LAMA2: variants seen among roughly 807,000 people sequenced by gnomAD.
The protein encoded by LAMA2 is laminin subunit alpha-2.
In LAMA2, 269 loss-of-function variants were observed where a neutral mutation model predicts 364.8. The observed-to-expected ratio is 0.74, with a 90% CI of 0.67 to 0.82. The LOEUF (loss-of-function observed/expected upper bound fraction) is 0.82, where lower values mean the gene tolerates loss of function less well. LAMA2 is among the 40% of genes least tolerant of loss of function. The probability of loss-of-function intolerance (pLI) is 0.00; values close to 1 mark genes in which losing one functional copy is unlikely to be tolerated. For synonymous variants in LAMA2, 1,379 were observed against 1,370.6 expected, an observed-to-expected ratio of 1.01 and a Z score of -0.14; for missense variants, 3,807 against 3,873.2, an observed-to-expected ratio of 0.98 and a Z score of 0.45.
At chr6:129,322,668 T>C (rs1408807681) in intron 28 of LAMA2, among the ~76,000 whole-genome samples, 4 of 152,204 alleles carry the variant, frequency 2.6e-5, no homozygotes, top group Admixed American at 1.3e-4. Flanking sequence ...TTTAGATATC[T>C]TGAAGAGAAG....
chr6:128,941,792 C>A (rs932402127), intron 1 of LAMA2, among the ~76,000 whole-genome samples: 1 of 152,030 alleles, frequency 6.6e-6, no homozygotes, highest in Non-Finnish European at 1.5e-5. Context: ...GTTCTCTGTG[C>A]CCAGCGAGTT....
intron 32 of LAMA2, among the ~76,000 whole-genome samples, chr6:129,356,963 T>A (rs370160542): frequency 6.6e-6 from 1 of 152,216 alleles, no homozygotes; most frequent in South Asian, 2.1e-4. Flanking sequence ...CCTCTTTTTT[T>A]CTAAAAGGAA....
chr6:128,960,630 G>T (rs779731083), intron 1 of LAMA2, among the ~76,000 whole-genome samples: 7 of 152,288 alleles, frequency 4.6e-5, no homozygotes, highest in Admixed American at 1.3e-4. Flanking sequence ...AAAGTGCTGG[G>T]ATTACAGGCG....
intron 22 of LAMA2, among the ~76,000 whole-genome samples, chr6:129,304,251 C>A (rs1026254085): frequency 5.3e-5 from 8 of 151,890 alleles, no homozygotes; most frequent in African/African-American, 1.9e-4. Flanking sequence ...CTCTTGTGTT[C>A]CAAGTTTTTT....
intron 14 of LAMA2, among the ~76,000 whole-genome samples, chr6:129,253,531 G>T (rs1786412943): frequency 6.6e-6 from 1 of 152,210 alleles, no homozygotes; most frequent in Admixed American, 6.5e-5. Flanking sequence ...AATTCTTCTA[G>T]AAGCTGGGTT....
chr6:128,923,559 G>T (rs1451304265), intron 1 of LAMA2, among the ~76,000 whole-genome samples: 1 of 152,104 alleles, frequency 6.6e-6, no homozygotes, highest in Admixed American at 6.6e-5. Context: ...TATATTAAAA[G>T]GGGATAGTAT....
At chr6:129,268,346 A>G (rs902048902) in intron 16 of LAMA2, among the ~76,000 whole-genome samples, 1 of 151,294 alleles carries the variant, frequency 6.6e-6, no homozygotes, top group African/African-American at 2.5e-5. Flanking sequence ...GTACTTTGGG[A>G]AAAATATTGG....
At chr6:129,302,369 CT>C (rs1773601731) in intron 22 of LAMA2, among the ~76,000 whole-genome samples, 1 of 151,854 alleles carries the variant, frequency 6.6e-6, no homozygotes, top group Admixed American at 6.6e-5. Flanking sequence ...TGTTTGTTTC[CT>C]TAGTAATGCA....
At chr6:129,372,881 A>G (rs1778165973) in intron 34 of LAMA2, among the ~76,000 whole-genome samples, 1 of 152,080 alleles carries the variant, frequency 6.6e-6, no homozygotes, top group South Asian at 2.1e-4. Flanking sequence ...TTAGTTTGCA[A>G]TTCCTTAATG....
In LAMA2 at chr6:128,967,901, C is replaced by T. The variant is rs376816452; in HGVS notation, c.113-82017C>T. On this transcript the variant is annotated intron_variant, in intron 1 of 64. Transcript: ENST00000421865. ...ATTATTTCTATTATTCAGTCTTAGC[C>T]GAAGATTCCCAGCCCCAGGTCCATC... 1.3e-3 allele frequency among the ~76,000 whole-genome samples: 196 copies of T among 152,164 alleles called. 6 individuals carry two copies. The South Asian group carries it at 0.037, about 28-fold the overall frequency.
intron 12 of LAMA2, among the ~76,000 whole-genome samples, chr6:129,223,562 G>T (rs1784029751): frequency 6.6e-6 from 1 of 152,086 alleles, no homozygotes; most frequent in Non-Finnish European, 1.5e-5. Flanking sequence ...TCTACATATG[G>T]CTAGCCAGTT....
Position 129,516,343 on chromosome 6 carries a change from A to T in LAMA2, c.9365A>T (p.Asn3122Ile). ...GTTCAACCTGTATCATGCCCAGCCA[A>T]CTAATAAAAATAAGTGTAACCCCAG... Reference protein sequence around the residue: ...RGVQPVSCPAN With the variant: ...RGVQPVSCPAI The change falls in exon 65 of 65, where the codon AAC (asparagine) becomes ATC (isoleucine). Residue 3122 changes from asparagine to isoleucine, a missense_variant. Physicochemically the swap from Asn to Ile is moderately radical, Grantham distance 149. Coordinates refer to ENST00000421865, the MANE Select transcript of LAMA2 (RefSeq NM_000426.4). The T allele has an allele frequency of 3.1e-6, 5 of 1,613,982 alleles. No homozygotes were observed. The highest frequency in any genetic ancestry group is 2.5e-6 in the Non-Finnish European group (3 of 1,179,918).
rs148965119 is a variant in LAMA2 at position 129,514,393 on chromosome 6, T to C, written c.9009T>C (p.Asn3003=). 1.7e-5 allele frequency: 28 copies of C among 1,613,692 alleles called. No homozygotes were observed. In the East Asian group the frequency reaches 6.0e-4, roughly 35 times the overall value. ...TCCAGTTGATGTTTCATGTGGACAATGGTGCGGGCAGATTCACTGCTGTCT... is the reference window on the plus strand; with the variant it reads ...TCCAGTTGATGTTTCATGTGGACAACGGTGCGGGCAGATTCACTGCTGTCT... The part of the protein sequence containing the change: ...IDEKLMFHVD[N]GAGRFTAVYD... The change falls in exon 64 of 65, where the codon AAT becomes AAC. Residue 3003 remains asparagine (N), a synonymous_variant. Transcript: ENST00000421865.
intron 1 of LAMA2, among the ~76,000 whole-genome samples, chr6:129,005,983 A>T (rs895870518): frequency 1.3e-5 from 2 of 151,668 alleles, no homozygotes; most frequent in African/African-American, 2.4e-5. Flanking sequence ...TCTGTTTGAG[A>T]CTGTGTTTTT....
At chr6:129,019,397 A>G (rs77844761) in intron 1 of LAMA2, among the ~76,000 whole-genome samples, 3,168 of 151,456 alleles carry the variant, frequency 0.021, 113 homozygotes, top group African/African-American at 0.072. Context: ...CCATGAGTCA[A>G]ATTTTTACCT....
At chr6:129,471,350 T>C (rs914139546) in intron 51 of LAMA2, among the ~76,000 whole-genome samples, 1 of 151,980 alleles carries the variant, frequency 6.6e-6, no homozygotes, top group East Asian at 1.9e-4. Context: ...CTCTGCCAGT[T>C]ACCTTTTGGG....
intron 34 of LAMA2, among the ~76,000 whole-genome samples, chr6:129,371,015 A>T (rs1219015546): frequency 6.6e-6 from 1 of 152,182 alleles, no homozygotes; most frequent in Non-Finnish European, 1.5e-5. Flanking sequence ...TACAACACGG[A>T]GTTTCTTGCC....
intron 10 of LAMA2, among the ~76,000 whole-genome samples, chr6:129,181,604 G>T (rs969360260): frequency 2.2e-4 from 34 of 151,834 alleles, no homozygotes; most frequent in Non-Finnish European, 4.9e-4. Flanking sequence ...TTAAACAAGA[G>T]ATGAGAAACT....
At chr6:129,373,469 G>GTCATATACATATTAGC (rs1778200359) in intron 34 of LAMA2, among the ~76,000 whole-genome samples, 1 of 151,994 alleles carries the variant, frequency 6.6e-6, no homozygotes, top group South Asian at 2.1e-4. Context: ...ATATACATGT[G>GTCATATACATATTAGC]TCATATACAT....
Sources: allele counts gnomAD v4.1 joint callset (sites outside exome capture counted in the v4.1 genomes callset), GRCh38; gene constraint gnomAD v4.1.1; transcripts MANE v1.5; gene names NCBI Gene and HGNC (gene_info 2026-07-23, HGNC 2026-07-21).